SPAG16: variants seen among roughly 807,000 people sequenced by gnomAD.
SPAG16 encodes sperm associated antigen 16, also known as sperm-associated antigen 16 protein.
In SPAG16, 86 loss-of-function variants were observed where a neutral mutation model predicts 80.4. That is an observed-to-expected ratio of 1.07 (90% CI 0.90 to 1.28). The LOEUF is 1.28. Ranked by LOEUF, SPAG16 falls within the 50% of genes most tolerant of loss-of-function variation. The pLI, the probability that SPAG16 is intolerant of heterozygous loss-of-function variation, is 0.00. For missense variants in SPAG16, 870 were observed against 765.3 expected, an observed-to-expected ratio of 1.14 and a Z score of -1.61; for synonymous variants, 294 against 265.9, an observed-to-expected ratio of 1.11 and a Z score of -1.03.
chr2:213,453,543 TGTG>T (rs1449697115), intron 9 of SPAG16, among the ~76,000 whole-genome samples: 1 of 152,190 alleles, frequency 6.6e-6, no homozygotes, highest in Non-Finnish European at 1.5e-5. Flanking sequence ...AATGGGGAAT[TGTG>T]GTAAAAGAGA....
chr2:214,177,971 GTATATATATATATATA>G (rs34460783), intron 15 of SPAG16, among the ~76,000 whole-genome samples: 4,654 of 59,232 alleles, frequency 0.079, 519 homozygotes, highest in African/African-American at 0.27. Flanking sequence ...CAAAGTGTAT[GTATATATATATATATA>G]TATATATATA....
chr2:213,701,509 C>T (rs1360385306), intron 10 of SPAG16, among the ~76,000 whole-genome samples: 1 of 152,128 alleles, frequency 6.6e-6, no homozygotes, highest in East Asian at 1.9e-4. Context: ...CCTCTCTGGG[C>T]TGGCCAAGGC....
chr2:213,331,558 C>A (rs2064108826), intron 5 of SPAG16, among the ~76,000 whole-genome samples: 1 of 152,176 alleles, frequency 6.6e-6, no homozygotes, highest in Non-Finnish European at 1.5e-5. Flanking sequence ...CAACAAACAT[C>A]AGACTTAATC....
At chr2:213,321,375 T>A (rs1023151952) in intron 5 of SPAG16, among the ~76,000 whole-genome samples, 1 of 152,076 alleles carries the variant, frequency 6.6e-6, no homozygotes, top group African/African-American at 2.4e-5. Context: ...CCCAGTTTTC[T>A]TATTAACCTG....
At chr2:213,400,289 A>G (rs572548749) in intron 9 of SPAG16, among the ~76,000 whole-genome samples, 2 of 152,194 alleles carry the variant, frequency 1.3e-5, no homozygotes, top group South Asian at 2.1e-4. Flanking sequence ...AATACTATTA[A>G]TTTTCCCCAA....
At chr2:214,012,827 C>T (rs1352150070) in intron 12 of SPAG16, among the ~76,000 whole-genome samples, 1 of 152,092 alleles carries the variant, frequency 6.6e-6, no homozygotes, top group East Asian at 1.9e-4. Flanking sequence ...TGCAGTTATC[C>T]CTTTCTTCTG....
At chr2:213,949,179 T>TTTTTTTTTTTTTTTTGTTTTG (rs1553677674) in intron 12 of SPAG16, among the ~76,000 whole-genome samples, 8 of 36,256 alleles carry the variant, frequency 2.2e-4, no homozygotes, top group Non-Finnish European at 3.8e-4. Flanking sequence ...GTTTTTTTTT[T>TTTTTTTTTTTTTTTTGTTTTG]TTTTTTTTTT....
chr2:213,655,185 T>A (rs1170281200), intron 10 of SPAG16, among the ~76,000 whole-genome samples: 1 of 152,198 alleles, frequency 6.6e-6, no homozygotes, highest in Non-Finnish European at 1.5e-5. Flanking sequence ...ACCATTCTGG[T>A]GACCAATATT....
chr2:213,736,200 T>A (rs1047375804), intron 10 of SPAG16, among the ~76,000 whole-genome samples: 3 of 152,200 alleles, frequency 2.0e-5, no homozygotes, highest in Non-Finnish European at 2.9e-5. Context: ...AGTGAATAAA[T>A]AATTATATCA....
chr2:213,367,116 C>T (rs903626731), intron 8 of SPAG16, among the ~76,000 whole-genome samples: 1 of 152,180 alleles, frequency 6.6e-6, no homozygotes, highest in African/African-American at 2.4e-5. Context: ...AGGACATGAA[C>T]TCATCCTTTT....
chr2:213,736,298 T>C (rs79687974), intron 10 of SPAG16, among the ~76,000 whole-genome samples: 32,032 of 152,050 alleles, frequency 0.21, 3,861 homozygotes, highest in South Asian at 0.31. Flanking sequence ...GTTCAGATTT[T>C]TTTTTCTTTT....
chr2:213,468,141 A>C (rs372075581), intron 9 of SPAG16, among the ~76,000 whole-genome samples: 1 of 152,132 alleles, frequency 6.6e-6, no homozygotes, highest in African/African-American at 2.4e-5. Flanking sequence ...CAAATGAATT[A>C]GGGGATAGAG....
At chr2:213,491,189 G>A (rs764333521) in intron 10 of SPAG16, among the ~76,000 whole-genome samples, 3 of 152,158 alleles carry the variant, frequency 2.0e-5, no homozygotes, top group Non-Finnish European at 4.4e-5. Flanking sequence ...TTATACCTTA[G>A]TGTTCTATTT....
chr2:213,670,660 T>A (rs2063783077), intron 10 of SPAG16, among the ~76,000 whole-genome samples: 1 of 151,002 alleles, frequency 6.6e-6, no homozygotes, highest in Non-Finnish European at 1.5e-5. Context: ...TATACATTAA[T>A]TTTCCAGAGC....
intron 9 of SPAG16, among the ~76,000 whole-genome samples, chr2:213,450,438 T>G (rs2071617126): frequency 6.6e-6 from 1 of 152,228 alleles, no homozygotes; most frequent in Non-Finnish European, 1.5e-5. Flanking sequence ...TTGCGTATCA[T>G]TTATTTTGGG....
intron 10 of SPAG16, among the ~76,000 whole-genome samples, chr2:213,675,836 T>C (rs1336001465): frequency 1.3e-5 from 2 of 151,668 alleles, no homozygotes; most frequent in Admixed American, 6.6e-5. Context: ...TCCAGCTTTG[T>C]TCTTTTGGCT....
At chr2:214,150,732 A>G (rs1196672177) in intron 15 of SPAG16, among the ~76,000 whole-genome samples, 1 of 151,506 alleles carries the variant, frequency 6.6e-6, no homozygotes, top group Non-Finnish European at 1.5e-5. Context: ...TATCATTACA[A>G]TTAATAATAG....
At chr2:214,282,304 A>C (rs1693007825) in intron 15 of SPAG16, among the ~76,000 whole-genome samples, 1 of 152,190 alleles carries the variant, frequency 6.6e-6, no homozygotes, top group Non-Finnish European at 1.5e-5. Flanking sequence ...AAGTGTTATC[A>C]GAAAAAAAGA....
chr2:214,264,170 A>G (rs1691377279), intron 15 of SPAG16, among the ~76,000 whole-genome samples: 1 of 151,980 alleles, frequency 6.6e-6, no homozygotes, highest in African/African-American at 2.4e-5. Flanking sequence ...CTAAATCCAT[A>G]CTCCTCCTAA....
Sources: allele counts gnomAD v4.1 joint callset (sites outside exome capture counted in the v4.1 genomes callset), GRCh38; gene constraint gnomAD v4.1.1; transcripts MANE v1.5; gene names NCBI Gene and HGNC (gene_info 2026-07-23, HGNC 2026-07-21).